SLCO6A1: variants seen among roughly 807,000 people sequenced by gnomAD.
SLCO6A1 encodes the protein cancer/testis antigen 48.
A neutral mutation model predicts 72.7 loss-of-function variants in SLCO6A1; 65 were observed. The observed-to-expected ratio is 0.89, with a 90% CI of 0.73 to 1.10. The LOEUF (loss-of-function observed/expected upper bound fraction) is 1.10, where lower values mean the gene tolerates loss of function less well. Among genes scored for constraint, SLCO6A1 ranks in the 50% least tolerant of loss-of-function variants. SLCO6A1 has a pLI of 0.00. For synonymous variants in SLCO6A1, 314 were observed against 298.2 expected (o/e 1.05, Z -0.55); for missense variants, 874 against 872.6 (o/e 1.00, Z -0.02).
intron 1 of SLCO6A1, among the ~76,000 whole-genome samples, chr5:102,482,573 T>C (rs1183029948): frequency 6.6e-6 from 1 of 152,192 alleles, no homozygotes. Flanking sequence ...ACGAGTCTTA[T>C]CCAAGTCTTC....
In SLCO6A1 at chr5:102,412,999, G is replaced by GT; in HGVS notation, c.1616dup (p.Asn539LysfsTer13). ...TATAAAAAATAATTACCTTTTTTTG[G>GT]TTTTGTGCTTTAGAATATGTACACC... On this transcript the variant is annotated frameshift_variant, in exon 9 of 14. Coordinates refer to ENST00000506729, the MANE Select transcript of SLCO6A1 (RefSeq NM_173488.5). LOFTEE classifies it high-confidence loss of function. 7.2e-7 allele frequency: 1 copy of GT among 1,384,308 alleles called. No homozygotes were observed. The highest frequency in any genetic ancestry group is 9.4e-7 in the Non-Finnish European group (1 of 1,059,906). 85.8% of individuals were successfully genotyped at this position (1,384,308 alleles called of 1,614,324 possible).
chr5:102,420,045 AC>A lies in SLCO6A1; in HGVS notation c.1277-25del, dbSNP rs757695569. The A allele has an allele frequency of 2.8e-5, 43 of 1,539,260 alleles. No individual in the cohort carries two copies. The African/African-American group carries it at 5.6e-4, about 20-fold the overall frequency. ...TCCTAAAAAAAAGGAGGAGAAAAAC[AC>A]AGTTAAAAATAATCAGCTGATAGTA... On this transcript the variant is annotated intron_variant, in intron 7 of 13. Transcript: ENST00000506729.
At chr5:102,492,506 G>T (rs1455167804) in intron 1 of SLCO6A1, among the ~76,000 whole-genome samples, 1 of 152,098 alleles carries the variant, frequency 6.6e-6, no homozygotes. Flanking sequence ...TGAGGTACCG[G>T]GTTCATCTCA....
At chr5:102,400,732 G>A (rs1237304552) in intron 9 of SLCO6A1, among the ~76,000 whole-genome samples, 2 of 151,940 alleles carry the variant, frequency 1.3e-5, no homozygotes, top group African/African-American at 4.8e-5. Flanking sequence ...CTTGAATCTG[G>A]GTTATTCAGA....
At chr5:102,486,834 A>T (rs1752464376) in intron 1 of SLCO6A1, among the ~76,000 whole-genome samples, 1 of 152,166 alleles carries the variant, frequency 6.6e-6, no homozygotes, top group African/African-American at 2.4e-5. Flanking sequence ...TTGTATCTTC[A>T]AAAATGAAAG....
At chr5:102,385,984 T>G (rs979859554) in intron 12 of SLCO6A1, among the ~76,000 whole-genome samples, 1 of 152,116 alleles carries the variant, frequency 6.6e-6, no homozygotes, top group East Asian at 1.9e-4. Context: ...GAGTCTCCAT[T>G]TCTTTAGAAT....
chr5:102,438,253 A>C (rs1749651816), intron 7 of SLCO6A1, among the ~76,000 whole-genome samples: 1 of 152,104 alleles, frequency 6.6e-6, no homozygotes, highest in Non-Finnish European at 1.5e-5. Flanking sequence ...TGAAAAAATA[A>C]GCTGCAGAAG....
chr5:102,443,348 T>C (rs1005447891), intron 6 of SLCO6A1, among the ~76,000 whole-genome samples: 1 of 152,246 alleles, frequency 6.6e-6, no homozygotes, highest in Non-Finnish European at 1.5e-5. Flanking sequence ...TTTACTTCTC[T>C]TTCTCAATGG....
At chr5:102,423,164 C>T (rs1030201754) in intron 7 of SLCO6A1, among the ~76,000 whole-genome samples, 18 of 152,008 alleles carry the variant, frequency 1.2e-4, no homozygotes, top group African/African-American at 4.3e-4. Context: ...CCAGCCACTG[C>T]AAAAACACCA....
At chr5:102,435,692 T>A (rs1580422852) in intron 7 of SLCO6A1, among the ~76,000 whole-genome samples, 1 of 152,188 alleles carries the variant, frequency 6.6e-6, no homozygotes, top group Non-Finnish European at 1.5e-5. Flanking sequence ...CTGAGCAACA[T>A]GGAGAAACCC....
chr5:102,458,755 A>G (rs1012499925), intron 5 of SLCO6A1, among the ~76,000 whole-genome samples: 2 of 152,154 alleles, frequency 1.3e-5, no homozygotes, highest in African/African-American at 4.8e-5. Context: ...GCTGTTAAAT[A>G]CTTGAAATGT....
intron 1 of SLCO6A1, among the ~76,000 whole-genome samples, chr5:102,488,611 G>A (rs1752542382): frequency 1.3e-5 from 2 of 152,170 alleles, no homozygotes. Flanking sequence ...AAATTATGGG[G>A]ACAAGATTCA....
intron 1 of SLCO6A1, among the ~76,000 whole-genome samples, chr5:102,483,124 G>C (rs113889501): frequency 1.3e-5 from 2 of 151,610 alleles, no homozygotes; most frequent in African/African-American, 2.4e-5. Flanking sequence ...GCTAATATTC[G>C]TATCTATCTA....
intron 6 of SLCO6A1, among the ~76,000 whole-genome samples, chr5:102,442,833 G>T (rs2112694842): frequency 6.6e-6 from 1 of 152,320 alleles, no homozygotes; most frequent in East Asian, 1.9e-4. Context: ...GGAGGCCGAG[G>T]TGGGCGGCTC....
At chr5:102,461,129 G>A (rs564077273) in intron 4 of SLCO6A1, among the ~76,000 whole-genome samples, 14 of 150,922 alleles carry the variant, frequency 9.3e-5, no homozygotes, top group African/African-American at 3.4e-4. Context: ...TTGTGTACCC[G>A]GAAGAGGTAG....
chr5:102,484,883 A>C (rs1752374758), intron 1 of SLCO6A1, among the ~76,000 whole-genome samples: 1 of 152,172 alleles, frequency 6.6e-6, no homozygotes, highest in African/African-American at 2.4e-5. Flanking sequence ...TAGTTTTTAC[A>C]AAGTTAGGTG....
intron 7 of SLCO6A1, among the ~76,000 whole-genome samples, chr5:102,437,946 C>G (rs185468516): frequency 4.6e-5 from 7 of 152,216 alleles, no homozygotes; most frequent in Admixed American, 4.6e-4. Flanking sequence ...TTTGCAACCT[C>G]TTTTGGAGAG....
chr5:102,495,054 A>T (rs1450063725), intron 1 of SLCO6A1, among the ~76,000 whole-genome samples: 1 of 152,250 alleles, frequency 6.6e-6, no homozygotes, highest in Non-Finnish European at 1.5e-5. Flanking sequence ...GATACTATTC[A>T]CAATAAAAAA....
chr5:102,480,158 G>T lies in SLCO6A1; in HGVS notation c.616+19C>A, dbSNP rs986183670. The stretch of plus-strand genomic sequence containing the variant: ...ATGAATATTGATTTGATGTATGACA[G>T]TATATTTTAAAACCTTACCTTCAAT... On this transcript the variant is annotated intron_variant, in intron 2 of 13. Coordinates refer to ENST00000506729, the MANE Select transcript of SLCO6A1 (RefSeq NM_173488.5). 6.3e-7 allele frequency: 1 copy of T among 1,581,130 alleles called. No individual in the cohort carries two copies. Among genetic ancestry groups the T allele is most frequent in the Admixed American group, 1.8e-5 (1 of 56,956 alleles).
Sources: allele counts gnomAD v4.1 joint callset (sites outside exome capture counted in the v4.1 genomes callset), GRCh38; gene constraint gnomAD v4.1.1; transcripts MANE v1.5; gene names NCBI Gene and HGNC (gene_info 2026-07-23, HGNC 2026-07-21).